The following IL1RAPL2 variants were observed in gnomAD, a reference collection of about 807,000 sequenced individuals.
IL1RAPL2 encodes the protein interleukin 1 receptor accessory protein like 2.
Under a neutral mutation model 44.1 loss-of-function variants are expected in IL1RAPL2, and 3 were observed. The observed-to-expected ratio is 0.07, with a 90% CI of 0.03 to 0.18. The LOEUF is 0.18. Among genes scored for constraint, IL1RAPL2 ranks in the 10% least tolerant of loss-of-function variants. The pLI is 1.00. For synonymous variants in IL1RAPL2, 181 were observed against 178.8 expected, an observed-to-expected ratio of 1.01 and a Z score of -0.10; for missense variants, 391 against 496.4, an observed-to-expected ratio of 0.79 and a Z score of 2.02.
At chrX:105,517,856 G>C (rs1359884990) in intron 6 of IL1RAPL2, among the ~76,000 whole-genome samples, 2 of 111,421 alleles carry the variant, frequency 1.8e-5, no homozygotes, top group African/African-American at 6.5e-5. Context: ...AAGAATCAAA[G>C]TCAGAGGTTA....
intron 2 of IL1RAPL2, among the ~76,000 whole-genome samples, chrX:105,158,896 C>T (rs2033296040): frequency 9.0e-6 from 1 of 111,365 alleles, no homozygotes; most frequent in African/African-American, 3.3e-5. Flanking sequence ...CGGCATTCCG[C>T]ACCATACTTG....
intron 2 of IL1RAPL2, among the ~76,000 whole-genome samples, chrX:104,737,751 A>G (rs190453504): frequency 8.9e-6 from 1 of 111,863 alleles, no homozygotes; most frequent in African/African-American, 3.2e-5. Flanking sequence ...CATAGACACC[A>G]AGCAGAGCCT....
chrX:104,685,974 TAAA>T (rs892397406), intron 2 of IL1RAPL2, among the ~76,000 whole-genome samples: 8 of 108,288 alleles, frequency 7.4e-5, no homozygotes, highest in Non-Finnish European at 1.3e-4. Flanking sequence ...AATAAAAACT[TAAA>T]AAAAAAGAAC....
chrX:105,685,002 G>A (rs1002980027), intron 6 of IL1RAPL2, among the ~76,000 whole-genome samples: 1 of 111,575 alleles, frequency 9.0e-6, no homozygotes, highest in African/African-American at 3.3e-5. Flanking sequence ...GAAAGGAATA[G>A]CGTCAACATC....
intron 6 of IL1RAPL2, among the ~76,000 whole-genome samples, chrX:105,496,687 A>T (rs2036358751): frequency 8.9e-6 from 1 of 112,245 alleles, no homozygotes; most frequent in African/African-American, 3.2e-5. Flanking sequence ...TGAGCATGCT[A>T]GTGAGGAATC....
chrX:104,658,871 A>G (rs1930330636), intron 1 of IL1RAPL2, 24 bp from the exon 2 acceptor site: 1 of 1,048,893 alleles, frequency 9.5e-7, no homozygotes, highest in Non-Finnish European at 1.3e-6. Context: ...TTCAAACTTT[A>G]TATCCTTTTT....
At chrX:105,044,414 TA>T (rs979392485) in intron 2 of IL1RAPL2, among the ~76,000 whole-genome samples, 1 of 109,683 alleles carries the variant, frequency 9.1e-6, no homozygotes, top group African/African-American at 3.3e-5. Context: ...TATAACTCAT[TA>T]AAAAAAAGAC....
intron 5 of IL1RAPL2, among the ~76,000 whole-genome samples, chrX:105,288,255 G>A (rs929739093): frequency 9.1e-6 from 1 of 110,469 alleles, no homozygotes; most frequent in Admixed American, 9.7e-5. Context: ...GACAATTCCT[G>A]ATGTCACTGG....
intron 6 of IL1RAPL2, among the ~76,000 whole-genome samples, chrX:105,606,423 G>A (rs1449662569): frequency 9.0e-6 from 1 of 111,654 alleles, no homozygotes; most frequent in Non-Finnish European, 1.9e-5. Flanking sequence ...TGAGGATGTG[G>A]AGAAAAAGGA....
At chrX:104,946,379 CAAAAAAA>C (rs1157603029) in intron 2 of IL1RAPL2, among the ~76,000 whole-genome samples, 12 of 9,138 alleles carry the variant, frequency 1.3e-3, no homozygotes, top group South Asian at 0.026. Flanking sequence ...GACTCCGTCT[CAAAAAAA>C]AAAAAAAAAA....
intron 2 of IL1RAPL2, among the ~76,000 whole-genome samples, chrX:104,831,890 C>G (rs1366088090): frequency 8.9e-6 from 1 of 112,075 alleles, no homozygotes; most frequent in African/African-American, 3.2e-5. Context: ...TTTCCGATCT[C>G]TTCTTACTAT....
At chrX:105,280,213 ACTGC>A (rs1229664113) in intron 5 of IL1RAPL2, among the ~76,000 whole-genome samples, 4 of 111,960 alleles carry the variant, frequency 3.6e-5, no homozygotes, top group Non-Finnish European at 7.5e-5. Flanking sequence ...TGTTGGGAAA[ACTGC>A]CTAGCCACAT....
intron 1 of IL1RAPL2, among the ~76,000 whole-genome samples, chrX:104,606,951 A>G: frequency 8.9e-6 from 1 of 112,107 alleles, no homozygotes; most frequent in Admixed American, 9.5e-5. Context: ...GGCAAGAAGA[A>G]TAAAGTTGGA....
intron 5 of IL1RAPL2, among the ~76,000 whole-genome samples, chrX:105,381,204 C>T (rs2035427251): frequency 9.0e-6 from 1 of 111,569 alleles, no homozygotes; most frequent in Non-Finnish European, 1.9e-5. Context: ...TAGTAAGTTA[C>T]TTGCACAGGG....
intron 7 of IL1RAPL2, among the ~76,000 whole-genome samples, chrX:105,719,513 G>T (rs916245115): frequency 9.0e-6 from 1 of 111,136 alleles, no homozygotes; most frequent in African/African-American, 3.3e-5. Flanking sequence ...AGTACATTCA[G>T]AATTCATACA....
chrX:105,714,764 T>C (rs1419256977), intron 6 of IL1RAPL2, among the ~76,000 whole-genome samples: 1 of 111,980 alleles, frequency 8.9e-6, no homozygotes, highest in African/African-American at 3.3e-5. Flanking sequence ...CACTGTTACA[T>C]TGGCAATTGA....
chrX:104,908,710 G>A (rs1423107982), intron 2 of IL1RAPL2, among the ~76,000 whole-genome samples: 6 of 109,923 alleles, frequency 5.5e-5, no homozygotes, highest in African/African-American at 9.9e-5. Context: ...AGGGTAACCC[G>A]ACCTTTCTCT....
chrX:105,218,870 T>G, intron 3 of IL1RAPL2: 97 of 426,485 alleles, frequency 2.3e-4, no homozygotes, highest in Non-Finnish European at 2.6e-4. Flanking sequence ...CTTCTTCCCC[T>G]ACCACCCCGG....
At chrX:105,673,987 A>C (rs1370824402) in intron 6 of IL1RAPL2, among the ~76,000 whole-genome samples, 1 of 110,997 alleles carries the variant, frequency 9.0e-6, no homozygotes, top group Non-Finnish European at 1.9e-5. Context: ...GTGTCTGTTC[A>C]TGTTCTTTGC....
Sources: gnomAD v4.1 joint callset for allele counts (sites outside exome capture counted in the v4.1 genomes callset) on GRCh38, gnomAD v4.1.1 for gene constraint, MANE v1.5 for transcripts, NCBI Gene and HGNC (gene_info 2026-07-23, HGNC 2026-07-21) for gene names.